MSMP: variants seen among roughly 807,000 people sequenced by gnomAD.
MSMP encodes the protein prostate-associated microseminoprotein.
MSMP carries 9 observed loss-of-function variants against 15.8 expected under a neutral mutation model. That is an observed-to-expected ratio of 0.57 (90% CI 0.34 to 0.99). The LOEUF is 0.99. Ranked by LOEUF, MSMP falls within the 50% of genes least tolerant of loss-of-function variation. The probability of loss-of-function intolerance (pLI) is 0.02; values close to 1 mark genes in which losing one functional copy is unlikely to be tolerated. For synonymous variants in MSMP, 64 were observed against 64.4 expected, an observed-to-expected ratio of 0.99 and a Z score of 0.03; for missense variants, 170 against 173.4, an observed-to-expected ratio of 0.98 and a Z score of 0.11.
Position 35,753,874 on chromosome 9 carries a change from GT to G in MSMP, c.131-107del, listed in dbSNP as rs1481660574. 1.3e-6 allele frequency: 2 copies of G among 1,537,484 alleles called. No individual in the cohort carries two copies. The highest frequency in any genetic ancestry group is 2.7e-5 in the African/African-American group (2 of 73,140). On this transcript the variant is annotated intron_variant, in intron 1 of 2. Coordinates refer to ENST00000436428, the MANE Select transcript of MSMP (RefSeq NM_001044264.3). This position sits in a 1 kb window ranked among gnomAD's most constrained non-coding sequence, Gnocchi z 4.2. Reference sequence around the variant, plus strand: ...TAAGTACGCACTATCCCCGTATTTAGTTTGTCTTTCCTGTTTCACAGCTGGA... The same window carrying G: ...TAAGTACGCACTATCCCCGTATTTAGTTGTCTTTCCTGTTTCACAGCTGGA...
chr9:35,753,343 C>T lies in MSMP; in HGVS notation c.240-63G>A. On this transcript the variant is annotated intron_variant, in intron 2 of 2. Transcript: ENST00000436428. This position sits in a 1 kb window ranked among gnomAD's most constrained non-coding sequence, Gnocchi z 4.2. Reference sequence around the variant, plus strand: ...GAAAGGCTGCCTTTATCCCTGCCCACATGTTCCCTCTCTCACAGTTTTCCC... The same window carrying T: ...GAAAGGCTGCCTTTATCCCTGCCCATATGTTCCCTCTCTCACAGTTTTCCC... 1.3e-6 allele frequency: 2 copies of T among 1,541,494 alleles called. No individual in the cohort carries two copies. Among genetic ancestry groups the T allele is most frequent in the South Asian group, 1.2e-5 (1 of 83,658 alleles).
chr9:35,753,537 G>A lies in MSMP; in HGVS notation c.239+123C>T, dbSNP rs987008283. 1.1e-5 allele frequency: 10 copies of A among 885,184 alleles called. No individual in the cohort carries two copies. In the African/African-American group the frequency reaches 1.5e-4, roughly 13 times the overall value. The allele number at this position is 885,184 out of a possible 1,614,324, so 54.8% of individuals were successfully genotyped here. ...TTTCACACTAGTGTTGGTCCCTTCA[G>A]GTTTGGCCCATCTTGTATTGCTCTT... On this transcript the variant is annotated intron_variant, in intron 2 of 2. Transcript: ENST00000436428. This position sits in a 1 kb window ranked among gnomAD's most constrained non-coding sequence, Gnocchi z 4.2.
In MSMP at chr9:35,753,328, C is replaced by T. The variant is rs1390049081; in HGVS notation, c.240-48G>A. 1 of 1,580,882 alleles carries T rather than the reference C, an allele frequency of 6.3e-7. No homozygotes were observed. Among genetic ancestry groups the T allele is most frequent in the Middle Eastern group, 1.7e-4 (1 of 5,908 alleles). On this transcript the variant is annotated intron_variant, in intron 2 of 2. Transcript: ENST00000436428. This position sits in a 1 kb window ranked among gnomAD's most constrained non-coding sequence, Gnocchi z 4.2. The stretch of plus-strand genomic sequence containing the variant: ...AGGAGTCAGCACAGTGAAAGGCTGC[C>T]TTTATCCCTGCCCACATGTTCCCTC...
In MSMP at chr9:35,753,246, C is replaced by T. The variant is rs1162476827; in HGVS notation, c.274G>A (p.Glu92Lys). Residue 92 changes from glutamate (E) to lysine (K), a missense_variant, in exon 3 of 3, where the codon GAG becomes AAG. Glu to Lys is a moderately conservative substitution (Grantham distance 56). Coordinates refer to ENST00000436428, the MANE Select transcript of MSMP (RefSeq NM_001044264.3). This position sits in a 1 kb window ranked among gnomAD's most constrained non-coding sequence, Gnocchi z 4.2. ...CAGGTTCCTGCCTCCTGACGTACCT[C>T]ACACCCAGCCGGGAAGTCGATGGGA... Reference protein sequence around the residue: ...QHPIDFPAGCEVRQEAGTCQF... With the variant: ...QHPIDFPAGCKVRQEAGTCQF... 1.9e-6 allele frequency: 3 copies of T among 1,614,124 alleles called. No homozygotes were observed. Among genetic ancestry groups the T allele is most frequent in the Admixed American group, 1.7e-5 (1 of 60,030 alleles).
chr9:35,753,921 A>T lies in MSMP; in HGVS notation c.130+79T>A. The T allele has an allele frequency of 6.4e-7, 1 of 1,562,042 alleles. No individual in the cohort carries two copies. ...CTGGAGGAAGCCTGGGTATTTTGAC[A>T]CGGGATCATCTGTAAGGCCCCATCC... is the stretch of plus-strand genomic sequence containing the variant. On this transcript the variant is annotated intron_variant, in intron 1 of 2. Transcript: ENST00000436428. The surrounding 1 kb of genome is among the most constrained non-coding windows in gnomAD (Gnocchi z 4.2).
In MSMP at chr9:35,753,864, C is replaced by G. The variant is rs1827316218; in HGVS notation, c.131-96G>C. On this transcript the variant is annotated intron_variant, in intron 1 of 2. Coordinates refer to ENST00000436428, the MANE Select transcript of MSMP (RefSeq NM_001044264.3). The surrounding 1 kb of genome is among the most constrained non-coding windows in gnomAD (Gnocchi z 4.2). ...GTGGAGACAGTAAGTACGCACTATC[C>G]CCGTATTTAGTTTGTCTTTCCTGTT... 6.6e-7 allele frequency: 1 copy of G among 1,512,108 alleles called. No homozygotes were observed. The highest frequency in any genetic ancestry group is 1.8e-5 in the Admixed American group (1 of 56,260). The allele number at this position is 1,512,108 out of a possible 1,614,324, so 93.7% of individuals were successfully genotyped here. A position where few individuals can be genotyped will look rare whatever the true frequency, so the allele number is the denominator to read the frequency against.
Position 35,753,974 on chromosome 9 carries a change from A to G in MSMP, c.130+26T>C. ...CCTGTGCCCTCTCTGCTGCTCCTCC[A>G]TTCCTAACGCTTCACCCCACTTTAC... On this transcript the variant is annotated intron_variant, in intron 1 of 2. Coordinates refer to ENST00000436428, the MANE Select transcript of MSMP (RefSeq NM_001044264.3). This position sits in a 1 kb window ranked among gnomAD's most constrained non-coding sequence, Gnocchi z 4.2. The G allele has an allele frequency of 6.2e-7, 1 of 1,603,584 alleles. No individual in the cohort carries two copies. The highest frequency in any genetic ancestry group is 8.5e-7 in the Non-Finnish European group (1 of 1,173,112).
At position 35,754,248 on chromosome 9, in the gene MSMP, C is replaced by T; in HGVS notation, c.-119G>A. ...TTAGTTTCTGTCTTTCTCCCCTGGG[C>T]TCCTGTCTCACACTATCTCCCTGCC... On this transcript the variant is annotated 5_prime_UTR_variant, in exon 1 of 3. Coordinates refer to ENST00000436428, the MANE Select transcript of MSMP (RefSeq NM_001044264.3). 7.5e-7 allele frequency: 1 copy of T among 1,324,888 alleles called. No homozygotes were observed. 82.1% of individuals were successfully genotyped at this position (1,324,888 alleles called of 1,614,324 possible).
rs375973678 is a variant in MSMP at position 35,753,073 on chromosome 9, A to G, written c.*27T>C. On this transcript the variant is annotated 3_prime_UTR_variant, in exon 3 of 3. Transcript: ENST00000436428. This position sits in a 1 kb window ranked among gnomAD's most constrained non-coding sequence, Gnocchi z 4.2. ...CCTGGAAGTGGCAGCAGCAGTGAGC[A>G]GTCAGCAGATGGATGATCAGTTGAG... 82 of 1,608,180 alleles carry G rather than the reference A, an allele frequency of 5.1e-5. No individual in the cohort carries two copies. In the African/African-American group the frequency reaches 7.5e-4, roughly 15 times the overall value.
At position 35,753,605 on chromosome 9, in the gene MSMP, A is replaced by C; in HGVS notation, c.239+55T>G. 2 of 1,419,104 alleles carry C rather than the reference A, an allele frequency of 1.4e-6. No homozygotes were observed. The highest frequency in any genetic ancestry group is 2.0e-6 in the Non-Finnish European group (2 of 1,012,348). 87.9% of individuals were successfully genotyped at this position (1,419,104 alleles called of 1,614,324 possible). ...ACAGCAATCTAGTCACTCCCTGGTC[A>C]TCCCTCAGTCACTCATATCAGAGTC... On this transcript the variant is annotated intron_variant, in intron 2 of 2. Transcript: ENST00000436428. This position sits in a 1 kb window ranked among gnomAD's most constrained non-coding sequence, Gnocchi z 4.2.
At position 35,754,249 on chromosome 9, in the gene MSMP, T is replaced by C; in HGVS notation, c.-120A>G. 1.5e-6 allele frequency: 2 copies of C among 1,317,516 alleles called. No individual in the cohort carries two copies. The highest frequency in any genetic ancestry group is 2.9e-5 in the South Asian group (2 of 68,664). 81.6% of individuals were successfully genotyped at this position (1,317,516 alleles called of 1,614,324 possible). A position where few individuals can be genotyped will look rare whatever the true frequency, so the allele number is the denominator to read the frequency against. On this transcript the variant is annotated 5_prime_UTR_variant, in exon 1 of 3. Coordinates refer to ENST00000436428, the MANE Select transcript of MSMP (RefSeq NM_001044264.3). ...TAGTTTCTGTCTTTCTCCCCTGGGCTCCTGTCTCACACTATCTCCCTGCCC... is the reference window on the plus strand; with the variant it reads ...TAGTTTCTGTCTTTCTCCCCTGGGCCCCTGTCTCACACTATCTCCCTGCCC...
Position 35,753,937 on chromosome 9 carries a change from G to A in MSMP, c.130+63C>T. ...TATTTTGACACGGGATCATCTGTAA[G>A]GCCCCATCCTCCCTGTGCCCTCTCT... On this transcript the variant is annotated intron_variant, in intron 1 of 2. Transcript: ENST00000436428. The surrounding 1 kb of genome is among the most constrained non-coding windows in gnomAD (Gnocchi z 4.2). The A allele has an allele frequency of 6.4e-7, 1 of 1,573,848 alleles. No individual in the cohort carries two copies. Among genetic ancestry groups the A allele is most frequent in the Non-Finnish European group, 8.6e-7 (1 of 1,156,738 alleles).
In MSMP at chr9:35,753,477, C is replaced by T. The variant is rs1827306658; in HGVS notation, c.239+183G>A. ...GGAGTATTTTCTCTCCAGGTCCACC[C>T]CAACCTCCCCTGATTTATAGCCTGA... On this transcript the variant is annotated intron_variant, in intron 2 of 2. Transcript: ENST00000436428. This position sits in a 1 kb window ranked among gnomAD's most constrained non-coding sequence, Gnocchi z 4.2. The T allele has an allele frequency of 5.2e-6, 4 of 770,350 alleles. No individual in the cohort carries two copies. Among genetic ancestry groups the T allele is most frequent in the Non-Finnish European group, 6.3e-6 (3 of 479,866 alleles). The allele number at this position is 770,350 out of a possible 1,614,324, so 47.7% of individuals were successfully genotyped here. A position where few individuals can be genotyped will look rare whatever the true frequency, so the allele number is the denominator to read the frequency against.
Position 35,753,895 on chromosome 9 carries a change from G to T in MSMP, c.130+105C>A. On this transcript the variant is annotated intron_variant, in intron 1 of 2. Coordinates refer to ENST00000436428, the MANE Select transcript of MSMP (RefSeq NM_001044264.3). This position sits in a 1 kb window ranked among gnomAD's most constrained non-coding sequence, Gnocchi z 4.2. ...TTTAGTTTGTCTTTCCTGTTTCACA[G>T]CTGGAGGAAGCCTGGGTATTTTGAC... 1.3e-6 allele frequency: 2 copies of T among 1,550,072 alleles called. No homozygotes were observed. The highest frequency in any genetic ancestry group is 8.8e-7 in the Non-Finnish European group (1 of 1,139,406).
Position 35,753,595 on chromosome 9 carries a change from C to T in MSMP, c.239+65G>A. On this transcript the variant is annotated intron_variant, in intron 2 of 2. Transcript: ENST00000436428. The surrounding 1 kb of genome is among the most constrained non-coding windows in gnomAD (Gnocchi z 4.2). ...TTCTTACATCACAGCAATCTAGTCACTCCCTGGTCATCCCTCAGTCACTCA... is the reference window on the plus strand; with the variant it reads ...TTCTTACATCACAGCAATCTAGTCATTCCCTGGTCATCCCTCAGTCACTCA... 7.3e-7 allele frequency: 1 copy of T among 1,366,352 alleles called. No individual in the cohort carries two copies. Among genetic ancestry groups the T allele is most frequent in the Non-Finnish European group, 1.0e-6 (1 of 970,220 alleles). The allele number at this position is 1,366,352 out of a possible 1,614,324, so 84.6% of individuals were successfully genotyped here. A position where few individuals can be genotyped will look rare whatever the true frequency, so the allele number is the denominator to read the frequency against.
chr9:35,753,691 G>C lies in MSMP; in HGVS notation c.208C>G (p.Leu70Val), dbSNP rs1441816000. 1 of 1,614,126 alleles carries C rather than the reference G, an allele frequency of 6.2e-7. No homozygotes were observed. ...CAGCAGCCCACGCCAACAGGATGCA[G>C]ACAGGTGCAATGGAAACAGTCCTTG... ...LRKDCFHCTC[L>V]HPVGVGCCDT... The change falls in exon 2 of 3, where the codon CTG becomes GTG. Residue 70 changes from leucine to valine, a missense_variant. By Grantham distance (32) the Leu-to-Val change is conservative. Coordinates refer to ENST00000436428, the MANE Select transcript of MSMP (RefSeq NM_001044264.3). The surrounding 1 kb of genome is among the most constrained non-coding windows in gnomAD (Gnocchi z 4.2).
In MSMP at chr9:35,753,540, T is replaced by G; in HGVS notation, c.239+120A>C. 1.1e-6 allele frequency: 1 copy of G among 886,070 alleles called. No individual in the cohort carries two copies. Among genetic ancestry groups the G allele is most frequent in the Admixed American group, 2.3e-5 (1 of 43,440 alleles). The allele number at this position is 886,070 out of a possible 1,614,324, so 54.9% of individuals were successfully genotyped here. A position where few individuals can be genotyped will look rare whatever the true frequency, so the allele number is the denominator to read the frequency against. ...CACACTAGTGTTGGTCCCTTCAGGT[T>G]TGGCCCATCTTGTATTGCTCTTCTG... On this transcript the variant is annotated intron_variant, in intron 2 of 2. Transcript: ENST00000436428. The surrounding 1 kb of genome is among the most constrained non-coding windows in gnomAD (Gnocchi z 4.2).
In MSMP at chr9:35,753,140, T is replaced by C. The variant is rs768113608; in HGVS notation, c.380A>G (p.Asn127Ser). ...AGCAGGAGCCCCAGGAACAGGGGTG[T>C]TGGCTGAGCCCCATTCTGGGTCAGG... ...GGPDPEWGSA[N>S]TPVPGAPAPH... Residue 127 changes from asparagine to serine, a missense_variant, in exon 3 of 3, where the codon AAC becomes AGC. Coordinates refer to ENST00000436428, the MANE Select transcript of MSMP (RefSeq NM_001044264.3). The surrounding 1 kb of genome is among the most constrained non-coding windows in gnomAD (Gnocchi z 4.2). 1.9e-6 allele frequency: 3 copies of C among 1,614,196 alleles called. No homozygotes were observed. In the South Asian group the frequency reaches 3.3e-5, roughly 18 times the overall value.
At position 35,753,442 on chromosome 9, in the gene MSMP, T is replaced by C; in HGVS notation, c.240-162A>G. ...CACCTACCATATGTGGGCCTTTTTG[T>C]TTTATAACAGGAGTATTTTCTCTCC... On this transcript the variant is annotated intron_variant, in intron 2 of 2. Coordinates refer to ENST00000436428, the MANE Select transcript of MSMP (RefSeq NM_001044264.3). The surrounding 1 kb of genome is among the most constrained non-coding windows in gnomAD (Gnocchi z 4.2). 1.2e-6 allele frequency: 1 copy of C among 842,130 alleles called. No homozygotes were observed. 52.2% of individuals were successfully genotyped at this position (842,130 alleles called of 1,614,324 possible). A position where few individuals can be genotyped will look rare whatever the true frequency, so the allele number is the denominator to read the frequency against.
Sources: gnomAD v4.1 joint callset for allele counts on GRCh38, gnomAD v4.1.1 for gene constraint, Gnocchi (gnomAD v3.1) non-coding constraint, MANE v1.5 for transcripts, NCBI Gene and HGNC (gene_info 2026-07-23, HGNC 2026-07-21) for gene names.